TNRC6A: variants seen among roughly 807,000 people sequenced by gnomAD.
TNRC6A encodes the protein trinucleotide repeat-containing gene 6A protein.
TNRC6A carries 44 observed loss-of-function variants against 221.2 expected under a neutral mutation model. The ratio of observed to expected loss-of-function variants is 0.20; its 90% CI spans 0.16 to 0.26. TNRC6A has a LOEUF of 0.26. Among genes scored for constraint, TNRC6A ranks in the 10% least tolerant of loss-of-function variants. The probability of loss-of-function intolerance (pLI) is 1.00; values close to 1 mark genes in which losing one functional copy is unlikely to be tolerated. For missense variants in TNRC6A, 2,199 were observed against 2,404.4 expected, an observed-to-expected ratio of 0.91 and a Z score of 1.79; for synonymous variants, 847 against 838.5, an observed-to-expected ratio of 1.01 and a Z score of -0.18.
chr16:24,708,390 G>A (rs1033976306), intron 2 of TNRC6A, among the ~76,000 whole-genome samples: 5 of 151,950 alleles, frequency 3.3e-5, no homozygotes, highest in African/African-American at 1.2e-4. Context: ...ACAGGCACCC[G>A]CCACCACGCC....
chr16:24,823,840 C>CT lies in TNRC6A; in HGVS notation c.*33_*34insT. On this transcript the variant is annotated 3_prime_UTR_variant, in exon 25 of 25. Coordinates refer to ENST00000395799, the MANE Select transcript of TNRC6A (RefSeq NM_014494.4). This position sits in a 1 kb window ranked among gnomAD's most constrained non-coding sequence, Gnocchi z 4.3. The stretch of plus-strand genomic sequence containing the variant: ...GATGCAGACTCACCGACCGGGACCT[C>CT]AGACGCGAGGGAAAGGAGCACTAAG... 1 of 1,372,434 alleles carries CT rather than the reference C, an allele frequency of 7.3e-7. No homozygotes were observed. The highest frequency in any genetic ancestry group is 9.4e-7 in the Non-Finnish European group (1 of 1,058,424). 85.0% of individuals were successfully genotyped at this position (1,372,434 alleles called of 1,614,324 possible).
chr16:24,715,233 AAAC>A (rs2056290043), intron 2 of TNRC6A, among the ~76,000 whole-genome samples: 1 of 151,830 alleles, frequency 6.6e-6, no homozygotes, highest in Non-Finnish European at 1.5e-5. Context: ...CTTCCTTTTA[AAAC>A]TTTTATTTTT....
At chr16:24,651,387 A>T (rs1372109706) in intron 2 of TNRC6A, among the ~76,000 whole-genome samples, 1 of 151,480 alleles carries the variant, frequency 6.6e-6, no homozygotes, top group Non-Finnish European at 1.5e-5. Context: ...AAAAATACAA[A>T]ATCAGCCACA....
rs1177489788 is a variant in TNRC6A, at chr16:24,809,465, A to G, written c.4656A>G (p.Gln1552=). The G allele has an allele frequency of 7.6e-6, 12 of 1,579,530 alleles. No homozygotes were observed. Among genetic ancestry groups the G allele is most frequent in the Admixed American group, 1.7e-5 (1 of 57,914 alleles). ...TTTCTGTGAACACATCTTTGGATCA[A>G]AACTCCAGCAAACATGGTACAAAAG... ...DSISVNTSLD[Q]NSSKHGAISS... Residue 1552 remains glutamine (Q), a synonymous_variant, in exon 18 of 25, where the codon CAA becomes CAG. Coordinates refer to ENST00000395799, the MANE Select transcript of TNRC6A (RefSeq NM_014494.4).
chr16:24,816,968 G>A lies in TNRC6A; in HGVS notation c.4972+12G>A, dbSNP rs750806974. The A allele has an allele frequency of 6.2e-7, 1 of 1,607,208 alleles. No individual in the cohort carries two copies. The highest frequency in any genetic ancestry group is 8.5e-7 in the Non-Finnish European group (1 of 1,177,356). ...GGACAGGAACAGTGGTACGTAGGGG[G>A]TGCAAATCAATTTCTGAGTGACACT... On this transcript the variant is annotated intron_variant, in intron 20 of 24. Transcript: ENST00000395799.
intron 5 of TNRC6A, among the ~76,000 whole-genome samples, chr16:24,777,720 G>A (rs2057756113): frequency 6.6e-6 from 1 of 152,136 alleles, no homozygotes; most frequent in Non-Finnish European, 1.5e-5. Context: ...GTGAGACTGA[G>A]TTCTTACCTC....
At chr16:24,666,351 T>C (rs940722665) in intron 2 of TNRC6A, among the ~76,000 whole-genome samples, 1 of 151,282 alleles carries the variant, frequency 6.6e-6, no homozygotes, top group African/African-American at 2.4e-5. Context: ...CAGGTGCCTG[T>C]AGTCCCAGCT....
chr16:24,793,729 G>A, intron 7 of TNRC6A, 80 bp downstream of exon 7: 20 of 1,142,396 alleles, frequency 1.8e-5, no homozygotes, highest in Non-Finnish European at 2.2e-5. Context: ...ATTAGATAAG[G>A]TTTCTATGTT....
At chr16:24,772,979 T>A (rs1390371374) in intron 4 of TNRC6A, among the ~76,000 whole-genome samples, 1 of 152,224 alleles carries the variant, frequency 6.6e-6, no homozygotes, top group African/African-American at 2.4e-5. Flanking sequence ...GATTTGAACA[T>A]AAATATATTA....
rs1052093331 is a variant in TNRC6A at position 24,826,175 on chromosome 16, G to A, written c.*2368G>A. The A allele has an allele frequency of 1.3e-5, 2 of 152,608 alleles. No individual in the cohort carries two copies. The highest frequency in any genetic ancestry group is 2.9e-5 in the Non-Finnish European group (2 of 68,038). 9.5% of individuals were successfully genotyped at this position (152,608 alleles called of 1,614,324 possible). On this transcript the variant is annotated 3_prime_UTR_variant, in exon 25 of 25. Transcript: ENST00000395799. ...AATTGTATTGTTAAAGTGTTTGGGA[G>A]TTTTTTGCGCTTGTTATGTGGAAAT...
At chr16:24,710,946 G>A (rs1268962363) in intron 2 of TNRC6A, among the ~76,000 whole-genome samples, 1 of 151,554 alleles carries the variant, frequency 6.6e-6, no homozygotes, top group African/African-American at 2.4e-5. Context: ...TGCGATCTCA[G>A]CTCACTGCAA....
At chr16:24,721,994 G>A (rs2056418093) in intron 2 of TNRC6A, among the ~76,000 whole-genome samples, 2 of 152,324 alleles carry the variant, frequency 1.3e-5, no homozygotes, top group African/African-American at 4.8e-5. Flanking sequence ...GGTGGTAGGT[G>A]TCTGTGGGAG....
intron 1 of TNRC6A, among the ~76,000 whole-genome samples, chr16:24,619,833 G>A (rs1000834139): frequency 2.6e-5 from 4 of 152,046 alleles, no homozygotes; most frequent in African/African-American, 9.7e-5. Flanking sequence ...CAGGAATCAT[G>A]GTATGGACAT....
intron 5 of TNRC6A, chr16:24,778,599 CCTT>C (rs2057775573): frequency 1.8e-6 from 1 of 568,496 alleles, no homozygotes; most frequent in Non-Finnish European, 2.2e-6. Context: ...ACACATCTGA[CCTT>C]CTTTGCTAAT....
intron 2 of TNRC6A, chr16:24,671,027 C>A: frequency 2.6e-6 from 1 of 385,470 alleles, no homozygotes; most frequent in South Asian, 1.8e-5. Flanking sequence ...TCCTCGCCAG[C>A]CAATCTCCTT....
At chr16:24,669,941 CTTTTT>C (rs535737725) in intron 2 of TNRC6A, among the ~76,000 whole-genome samples, 9 of 27,188 alleles carry the variant, frequency 3.3e-4, no homozygotes, top group African/African-American at 4.0e-4. Context: ...GAGGCAGCTA[CTTTTT>C]TTTTTTTTTT....
intron 1 of TNRC6A, 91 bp downstream of exon 1, chr16:24,729,937 G>A: frequency 1.8e-6 from 2 of 1,123,824 alleles, no homozygotes; most frequent in Admixed American, 4.7e-5. Flanking sequence ...CAGAGGCGGC[G>A]GCGCCGGGCG....
At chr16:24,801,510 G>C (rs2058329441) in intron 11 of TNRC6A, among the ~76,000 whole-genome samples, 1 of 150,414 alleles carries the variant, frequency 6.6e-6, no homozygotes, top group Admixed American at 6.6e-5. Flanking sequence ...ATGGTTTGTG[G>C]AAAAAATGTA....
chr16:24,821,956 G>T, intron 22 of TNRC6A, 121 bp from the exon 23 acceptor site: 2 of 912,088 alleles, frequency 2.2e-6, no homozygotes, highest in South Asian at 3.0e-5. Context: ...TAGGGAGAAA[G>T]CCTCCCATGT....
Sources: gnomAD v4.1 joint callset for allele counts (sites outside exome capture counted in the v4.1 genomes callset) on GRCh38, gnomAD v4.1.1 for gene constraint, Gnocchi (gnomAD v3.1) non-coding constraint, MANE v1.5 for transcripts, NCBI Gene and HGNC (gene_info 2026-07-23, HGNC 2026-07-21) for gene names.